PLXDC2: variants seen among roughly 807,000 people sequenced by gnomAD.
The protein encoded by PLXDC2 is plexin domain containing 2.
PLXDC2 carries 40 observed loss-of-function variants against 68.9 expected under a neutral mutation model. The observed-to-expected ratio is 0.58, with a 90% CI of 0.45 to 0.76. The LOEUF is 0.76. Among genes scored for constraint, PLXDC2 ranks in the 30% least tolerant of loss-of-function variants. PLXDC2 has a pLI of 0.00. For synonymous variants in PLXDC2, 243 were observed against 234.2 expected, an observed-to-expected ratio of 1.04 and a Z score of -0.34; for missense variants, 644 against 661.9, an observed-to-expected ratio of 0.97 and a Z score of 0.30.
At chr10:19,982,566 G>T (rs1441394967) in intron 1 of PLXDC2, among the ~76,000 whole-genome samples, 1 of 152,130 alleles carries the variant, frequency 6.6e-6, no homozygotes, top group Non-Finnish European at 1.5e-5. Flanking sequence ...TTTTTATACA[G>T]GATCGGTAGG....
At chr10:20,264,717 A>AT (rs1348537046) in intron 13 of PLXDC2, among the ~76,000 whole-genome samples, 1 of 152,076 alleles carries the variant, frequency 6.6e-6, no homozygotes, top group Non-Finnish European at 1.5e-5. Flanking sequence ...TTAAAAGTAG[A>AT]TTTTTTAATT....
chr10:19,855,312 G>T (rs751100152), intron 1 of PLXDC2, among the ~76,000 whole-genome samples: 2 of 151,998 alleles, frequency 1.3e-5, no homozygotes, highest in Non-Finnish European at 1.5e-5. Context: ...TATCGTCAAT[G>T]GTTGGCTTTT....
intron 1 of PLXDC2, among the ~76,000 whole-genome samples, chr10:19,922,176 A>G (rs964296927): frequency 3.3e-5 from 5 of 152,206 alleles, no homozygotes; most frequent in African/African-American, 1.2e-4. Context: ...CTGTGTCTAA[A>G]TGTTTTACCC....
At chr10:20,000,304 T>C (rs1045070006) in intron 1 of PLXDC2, among the ~76,000 whole-genome samples, 1 of 151,932 alleles carries the variant, frequency 6.6e-6, no homozygotes, top group Non-Finnish European at 1.5e-5. Context: ...TTTTAGCCTC[T>C]AACAATTCAA....
chr10:20,054,366 C>G (rs1399302270), intron 3 of PLXDC2, among the ~76,000 whole-genome samples: 1 of 151,872 alleles, frequency 6.6e-6, no homozygotes, highest in Non-Finnish European at 1.5e-5. Context: ...AAGAGTCTCT[C>G]TCAGATCAAT....
chr10:20,080,143 T>A (rs1258082574), intron 4 of PLXDC2, among the ~76,000 whole-genome samples: 1 of 152,172 alleles, frequency 6.6e-6, no homozygotes, highest in Non-Finnish European at 1.5e-5. Flanking sequence ...TTCTGGTATT[T>A]ATTATAAAGC....
intron 5 of PLXDC2, among the ~76,000 whole-genome samples, chr10:20,143,691 T>C (rs1172652128): frequency 1.3e-5 from 2 of 152,070 alleles, no homozygotes; most frequent in South Asian, 2.1e-4. Context: ...TTTGATGCTA[T>C]TTCAATAAGT....
intron 13 of PLXDC2, among the ~76,000 whole-genome samples, chr10:20,258,015 T>G (rs1341836020): frequency 1.4e-5 from 2 of 146,844 alleles, no homozygotes; most frequent in Non-Finnish European, 3.0e-5. Context: ...TTTTTTTTTT[T>G]TTTTGAGACA....
intron 4 of PLXDC2, among the ~76,000 whole-genome samples, chr10:20,097,204 G>A (rs553486556): frequency 1.3e-4 from 20 of 152,260 alleles, no homozygotes; most frequent in African/African-American, 4.3e-4. Context: ...ATTTCACCAA[G>A]AAATAGGTCA....
intron 4 of PLXDC2, among the ~76,000 whole-genome samples, chr10:20,114,666 A>C (rs1833599957): frequency 6.6e-6 from 1 of 152,200 alleles, no homozygotes; most frequent in Non-Finnish European, 1.5e-5. Context: ...AGCTTAAAAG[A>C]TGAATAGGAT....
At position 19,817,162 on chromosome 10, in the gene PLXDC2, C is replaced by A; in HGVS notation, c.83C>A (p.Ala28Asp). 6.4e-7 allele frequency: 1 copy of A among 1,574,514 alleles called. No homozygotes were observed. The highest frequency in any genetic ancestry group is 2.3e-5 in the East Asian group (1 of 42,810). ...CHFFTDQFQFADGKPGDQILD... is the reference protein window; with the variant it reads ...CHFFTDQFQFDDGKPGDQILD... Reference sequence around the variant, plus strand: ...TTCTTCACGGACCAGTTTCAGTTCGCCGATGGGAAACCCGGAGACCAAATC... The same window carrying A: ...TTCTTCACGGACCAGTTTCAGTTCGACGATGGGAAACCCGGAGACCAAATC... The change falls in exon 1 of 14, where the codon GCC becomes GAC. Residue 28 changes from alanine to aspartate, a missense_variant. By Grantham distance (126) the Ala-to-Asp change is moderately radical. Transcript: ENST00000377252.
intron 4 of PLXDC2, among the ~76,000 whole-genome samples, chr10:20,135,582 T>C (rs1417363755): frequency 2.0e-5 from 3 of 152,174 alleles, no homozygotes; most frequent in Non-Finnish European, 4.4e-5. Flanking sequence ...CAGCTTTTGT[T>C]TGTTTGTTTG....
At chr10:20,206,984 A>T (rs1835002607) in intron 9 of PLXDC2, among the ~76,000 whole-genome samples, 1 of 152,140 alleles carries the variant, frequency 6.6e-6, no homozygotes, top group African/African-American at 2.4e-5. Context: ...CTAGTGGTTT[A>T]TACAACTGTC....
intron 2 of PLXDC2, among the ~76,000 whole-genome samples, chr10:20,008,866 T>C (rs1272739508): frequency 2.0e-5 from 3 of 152,218 alleles, no homozygotes; most frequent in African/African-American, 7.2e-5. Context: ...CCTGTCGCCA[T>C]GCAAGACATG....
chr10:20,045,896 A>T (rs1366655492), intron 2 of PLXDC2, among the ~76,000 whole-genome samples: 2 of 152,064 alleles, frequency 1.3e-5, no homozygotes, highest in South Asian at 2.1e-4. Context: ...TAATTATATA[A>T]TTTTTCTGGA....
At chr10:19,912,655 A>T (rs1222094929) in intron 1 of PLXDC2, among the ~76,000 whole-genome samples, 1 of 152,130 alleles carries the variant, frequency 6.6e-6, no homozygotes, top group African/African-American at 2.4e-5. Flanking sequence ...TACTTACTTT[A>T]AAAACGGTAA....
intron 4 of PLXDC2, among the ~76,000 whole-genome samples, chr10:20,128,009 G>T (rs1410622004): frequency 1.3e-5 from 2 of 152,144 alleles, no homozygotes; most frequent in African/African-American, 4.8e-5. Flanking sequence ...GGGTTATGTA[G>T]GCTCTGGTCA....
rs1166664604 is a variant in PLXDC2, at chr10:20,132,080, C to A, written c.542-11215C>A. On this transcript the variant is annotated intron_variant, in intron 4 of 13. Transcript: ENST00000377252. ...TTTGTCTCAAGATATCTTTTAAGAT[C>A]ACTATTGATTTCTTCTTTGACTCAT... Among the ~76,000 whole-genome samples the A allele has an allele frequency of 2.6e-5, 4 of 152,242 alleles. No homozygotes were observed. The East Asian group carries it at 7.7e-4, about 29-fold the overall frequency.
chr10:20,219,205 G>T, intron 12 of PLXDC2, 103 bp downstream of exon 12: 1 of 1,242,982 alleles, frequency 8.0e-7, no homozygotes, highest in Non-Finnish European at 1.1e-6. Flanking sequence ...TAAAAGGTGA[G>T]GTTGTGTTTT....
Sources: gnomAD v4.1 joint callset for allele counts (sites outside exome capture counted in the v4.1 genomes callset) on GRCh38, gnomAD v4.1.1 for gene constraint, MANE v1.5 for transcripts, NCBI Gene and HGNC (gene_info 2026-07-23, HGNC 2026-07-21) for gene names.